The following SEMA3A variants were observed in gnomAD, a reference collection of about 807,000 sequenced individuals.
SEMA3A encodes the protein semaphorin-3A.
SEMA3A carries 29 observed loss-of-function variants against 97.9 expected under a neutral mutation model. That is an observed-to-expected ratio of 0.30 (90% CI 0.22 to 0.40). SEMA3A has a LOEUF of 0.40. Among genes scored for constraint, SEMA3A ranks in the 10% least tolerant of loss-of-function variants. The pLI is 1.00. For synonymous variants in SEMA3A, 321 were observed against 323.7 expected (o/e 0.99, Z 0.09); for missense variants, 763 against 951.3 (o/e 0.80, Z 2.60).
At chr7:84,425,217 A>G (rs1355055567) in intron 1 of SEMA3A, among the ~76,000 whole-genome samples, 3 of 118,384 alleles carry the variant, frequency 2.5e-5, no homozygotes, top group African/African-American at 3.4e-5. Flanking sequence ...GTATTTATAT[A>G]TACATATGAA....
chr7:84,074,767 GAATCACT>G (rs1793876348), intron 4 of SEMA3A, among the ~76,000 whole-genome samples: 1 of 151,648 alleles, frequency 6.6e-6, no homozygotes, highest in South Asian at 2.1e-4. Flanking sequence ...AAAATATTTT[GAATCACT>G]AATTATTGTT....
rs1002742337 is a variant in SEMA3A at position 83,960,450 on chromosome 7, G to C, written c.*921C>G. ...TTTAGATAATGCTTAAAGAAGGGGA[G>C]GTGTGAACAGCTTCCATTTGTTTGA... On this transcript the variant is annotated 3_prime_UTR_variant, in exon 17 of 17. Coordinates refer to ENST00000265362, the MANE Select transcript of SEMA3A (RefSeq NM_006080.3). 1 of 151,990 alleles carries C rather than the reference G, an allele frequency of 6.6e-6. No individual in the cohort carries two copies. Among genetic ancestry groups the C allele is most frequent in the African/African-American group, 2.4e-5 (1 of 41,344 alleles). The allele number at this position is 151,990 out of a possible 1,614,324, so 9.4% of individuals were successfully genotyped here. A position where few individuals can be genotyped will look rare whatever the true frequency, so the allele number is the denominator to read the frequency against.
intron 5 of SEMA3A, among the ~76,000 whole-genome samples, chr7:84,050,365 C>A (rs1318506939): frequency 6.6e-6 from 1 of 152,164 alleles, no homozygotes; most frequent in East Asian, 1.9e-4. Context: ...TGCTCTCCAG[C>A]ACCTGTTGTT....
At chr7:84,072,397 G>GTT (rs1405990152) in intron 4 of SEMA3A, among the ~76,000 whole-genome samples, 1 of 151,886 alleles carries the variant, frequency 6.6e-6, no homozygotes, top group Non-Finnish European at 1.5e-5. Flanking sequence ...CATTCCAGTT[G>GTT]TTTTTTTCCT....
intron 3 of SEMA3A, among the ~76,000 whole-genome samples, chr7:84,254,083 T>G (rs1490729958): frequency 3.3e-5 from 5 of 152,100 alleles, no homozygotes; most frequent in Non-Finnish European, 7.4e-5. Context: ...TGAGACAAAA[T>G]CTTGAACTGC....
At chr7:84,217,810 G>T (rs1489198617) in intron 3 of SEMA3A, among the ~76,000 whole-genome samples, 1 of 151,628 alleles carries the variant, frequency 6.6e-6, no homozygotes, top group Non-Finnish European at 1.5e-5. Context: ...GGGTACCATC[G>T]CTCATACCTG....
chr7:84,053,642 C>T (rs796105976), intron 5 of SEMA3A, among the ~76,000 whole-genome samples: 2 of 149,446 alleles, frequency 1.3e-5, no homozygotes, highest in East Asian at 2.0e-4. Flanking sequence ...ATACAGCACA[C>T]TGATGGGTCT....
chr7:84,425,637 C>G (rs192158733), intron 1 of SEMA3A, among the ~76,000 whole-genome samples: 1 of 145,906 alleles, frequency 6.9e-6, no homozygotes, highest in African/African-American at 2.5e-5. Flanking sequence ...TAAATATAAA[C>G]GTATAAATAT....
chr7:84,472,186 GATA>G (rs1252128686), intron 1 of SEMA3A, among the ~76,000 whole-genome samples: 2 of 152,048 alleles, frequency 1.3e-5, no homozygotes, highest in African/African-American at 4.8e-5. Flanking sequence ...AGAGAAAAAT[GATA>G]ATATTGTTCA....
At chr7:84,321,737 G>A (rs1212987879) in intron 2 of SEMA3A, among the ~76,000 whole-genome samples, 3 of 151,706 alleles carry the variant, frequency 2.0e-5, no homozygotes, top group African/African-American at 2.4e-5. Context: ...TTAGCCGGGC[G>A]TGGTGGCGCA....
intron 3 of SEMA3A, among the ~76,000 whole-genome samples, chr7:84,291,276 G>T (rs1375585209): frequency 2.0e-5 from 3 of 151,872 alleles, no homozygotes; most frequent in Non-Finnish European, 1.5e-5. Flanking sequence ...GCATAAAACA[G>T]AATTTATTAT....
intron 11 of SEMA3A, among the ~76,000 whole-genome samples, chr7:84,003,390 T>G (rs1790538414): frequency 6.6e-6 from 1 of 152,142 alleles, no homozygotes; most frequent in African/African-American, 2.4e-5. Context: ...TTCAAACAAT[T>G]TCACACAAAT....
chr7:84,246,054 G>T (rs570789347), intron 3 of SEMA3A, among the ~76,000 whole-genome samples: 2 of 152,166 alleles, frequency 1.3e-5, no homozygotes, highest in South Asian at 2.1e-4. Context: ...TGCCCTGCCC[G>T]GGGTGGGAGG....
At chr7:84,461,195 C>T (rs1047815172) in intron 1 of SEMA3A, among the ~76,000 whole-genome samples, 1 of 151,984 alleles carries the variant, frequency 6.6e-6, no homozygotes, top group African/African-American at 2.4e-5. Context: ...AATGAATTGT[C>T]GATTAAATAT....
chr7:84,441,562 A>G (rs1805274168), intron 1 of SEMA3A, among the ~76,000 whole-genome samples: 1 of 152,078 alleles, frequency 6.6e-6, no homozygotes, highest in Non-Finnish European at 1.5e-5. Context: ...ATAGAACACC[A>G]TCAGGCAGAC....
chr7:83,961,587 C>G lies in SEMA3A; in HGVS notation c.2100G>C (p.Lys700Asn), dbSNP rs1213085184. ...GCTGCATGAAGTCTCTGTACCAGAC[C>G]TTCTGGCTAGGTGTCATGCTATTGG... ...EMSNSMTPSQ[K>N]VWYRDFMQLI... The change falls in exon 17 of 17, where the codon AAG becomes AAC. Residue 700 changes from lysine (K) to asparagine (N), a missense_variant. By Grantham distance (94) the Lys-to-Asn change is moderately conservative (BLOSUM62 0). Coordinates refer to ENST00000265362, the MANE Select transcript of SEMA3A (RefSeq NM_006080.3). The G allele has an allele frequency of 6.2e-7, 1 of 1,614,102 alleles. No individual in the cohort carries two copies.
chr7:84,291,857 T>C (rs187923184), intron 3 of SEMA3A, among the ~76,000 whole-genome samples: 90 of 152,258 alleles, frequency 5.9e-4, no homozygotes, highest in Admixed American at 5.8e-3. Flanking sequence ...AATAGTCATG[T>C]GGAGCACCTG....
At chr7:84,073,033 A>T (rs1035494714) in intron 4 of SEMA3A, among the ~76,000 whole-genome samples, 2 of 152,074 alleles carry the variant, frequency 1.3e-5, no homozygotes, top group African/African-American at 4.8e-5. Context: ...CACAAACATA[A>T]TATTATTTAC....
chr7:84,425,853 A>AAC (rs368734761), intron 1 of SEMA3A, among the ~76,000 whole-genome samples: 58,895 of 110,080 alleles, frequency 0.54, 13,166 homozygotes, highest in Non-Finnish European at 0.6. Flanking sequence ...ATGTTTATAT[A>AAC]ACACACACAC....
Sources: gnomAD v4.1 joint callset for allele counts (sites outside exome capture counted in the v4.1 genomes callset) on GRCh38, gnomAD v4.1.1 for gene constraint, MANE v1.5 for transcripts, NCBI Gene and HGNC (gene_info 2026-07-23, HGNC 2026-07-21) for gene names.